The following RGS7 variants were observed in gnomAD, a reference collection of about 807,000 sequenced individuals.
RGS7 encodes the protein regulator of G protein signaling 7.
Under a neutral mutation model 81.1 loss-of-function variants are expected in RGS7, and 27 were observed. The ratio of observed to expected loss-of-function variants is 0.33; its 90% CI spans 0.25 to 0.46. The LOEUF (loss-of-function observed/expected upper bound fraction) is 0.46, where lower values mean the gene tolerates loss of function less well. RGS7 is among the 20% of genes least tolerant of loss of function. The pLI is 1.00. For missense variants in RGS7, 396 were observed against 607.4 expected, an observed-to-expected ratio of 0.65 and a Z score of 3.66; for synonymous variants, 208 against 207.7, an observed-to-expected ratio of 1.00 and a Z score of -0.01.
At chr1:241,281,282 C>T (rs778142191) in intron 2 of RGS7, among the ~76,000 whole-genome samples, 8 of 152,204 alleles carry the variant, frequency 5.3e-5, no homozygotes, top group Non-Finnish European at 1.0e-4. Flanking sequence ...ATAAAATCAA[C>T]TGTACTCCAT....
chr1:240,910,518 T>C (rs1671573209), intron 6 of RGS7, among the ~76,000 whole-genome samples: 2 of 152,258 alleles, frequency 1.3e-5, no homozygotes, highest in Admixed American at 6.5e-5. Flanking sequence ...AATTCTAGTG[T>C]TCTGTAGCAC....
chr1:240,913,969 A>G (rs1296176128), intron 6 of RGS7, among the ~76,000 whole-genome samples: 1 of 151,634 alleles, frequency 6.6e-6, no homozygotes, highest in Non-Finnish European at 1.5e-5. Flanking sequence ...TGTGCAGGTT[A>G]GTTACATATG....
intron 6 of RGS7, among the ~76,000 whole-genome samples, chr1:240,882,248 G>A (rs1216919952): frequency 2.6e-5 from 4 of 152,118 alleles, no homozygotes; most frequent in African/African-American, 9.7e-5. Context: ...CTGGGAGGTG[G>A]TGTCCTTAAG....
chr1:240,970,404 T>C (rs11586002), intron 4 of RGS7, among the ~76,000 whole-genome samples: 55,666 of 152,168 alleles, frequency 0.37, 11,504 homozygotes, highest in East Asian at 0.62. Context: ...TACAAGTCAA[T>C]GGAAACAACA....
intron 2 of RGS7, among the ~76,000 whole-genome samples, chr1:241,229,090 C>T (rs2075495750): frequency 6.6e-6 from 1 of 151,150 alleles, no homozygotes; most frequent in Non-Finnish European, 1.5e-5. Context: ...AAAAACCATA[C>T]CTAACTTGTG....
chr1:240,801,468 A>T lies in RGS7; in HGVS notation c.1400T>A (p.Phe467Tyr). 1.9e-6 allele frequency: 3 copies of T among 1,606,416 alleles called. No homozygotes were observed. Among genetic ancestry groups the T allele is most frequent in the Non-Finnish European group, 2.6e-6 (3 of 1,173,636 alleles). The change falls in exon 17 of 19, where the codon TTT becomes TAT. Residue 467 changes from phenylalanine to tyrosine, a missense_variant. Phe to Tyr is a conservative substitution (Grantham distance 22, BLOSUM62 3). Transcript: ENST00000440928. ...SMDRRTSFEK[F>Y]AQNVGRNIPI... is the part of the protein sequence containing the mutation. ...AATTAAACTTACCACATTCTGTGCA[A>T]ATTTTTCAAAAGATGTTCTGCGATC...
At chr1:241,065,443 T>C (rs1201012844) in intron 3 of RGS7, among the ~76,000 whole-genome samples, 1 of 152,030 alleles carries the variant, frequency 6.6e-6, no homozygotes, top group African/African-American at 2.4e-5. Flanking sequence ...TATTTTTATG[T>C]GTTTTCTTAA....
At chr1:241,173,743 T>C (rs2103269664) in intron 2 of RGS7, among the ~76,000 whole-genome samples, 1 of 152,310 alleles carries the variant, frequency 6.6e-6, no homozygotes, top group East Asian at 1.9e-4. Context: ...ATAGCACCAT[T>C]GTACTCTAGC....
chr1:241,247,982 A>G (rs1420564371), intron 2 of RGS7, among the ~76,000 whole-genome samples: 2 of 152,182 alleles, frequency 1.3e-5, no homozygotes, highest in African/African-American at 4.8e-5. Context: ...TATCTTCACT[A>G]ATGGTCCATC....
At chr1:241,059,205 A>G (rs1277477750) in intron 3 of RGS7, among the ~76,000 whole-genome samples, 1 of 152,132 alleles carries the variant, frequency 6.6e-6, no homozygotes, top group East Asian at 1.9e-4. Context: ...GGATCTCCCA[A>G]GGGTCTGTCA....
At chr1:240,927,356 C>T (rs187654439) in intron 6 of RGS7, among the ~76,000 whole-genome samples, 2 of 152,262 alleles carry the variant, frequency 1.3e-5, no homozygotes, top group South Asian at 2.1e-4. Flanking sequence ...TGAGCCACCG[C>T]GCACAGCCAA....
At chr1:240,865,768 C>T (rs1421696311) in intron 9 of RGS7, among the ~76,000 whole-genome samples, 1 of 152,084 alleles carries the variant, frequency 6.6e-6, no homozygotes, top group African/African-American at 2.4e-5. Flanking sequence ...GCTGTTTTCC[C>T]CTATGCCACT....
intron 6 of RGS7, among the ~76,000 whole-genome samples, chr1:240,911,650 C>G (rs186334979): frequency 6.6e-6 from 1 of 152,108 alleles, no homozygotes; most frequent in Non-Finnish European, 1.5e-5. Flanking sequence ...AACACAACAA[C>G]GGTATGGAAA....
intron 5 of RGS7, among the ~76,000 whole-genome samples, chr1:240,934,441 G>T (rs1047031145): frequency 6.6e-6 from 1 of 152,162 alleles, no homozygotes; most frequent in African/African-American, 2.4e-5. Context: ...TGAAGACCTT[G>T]AATAATAATT....
intron 2 of RGS7, among the ~76,000 whole-genome samples, chr1:241,219,708 A>G (rs925150695): frequency 6.6e-6 from 1 of 152,228 alleles, no homozygotes; most frequent in Non-Finnish European, 1.5e-5. Flanking sequence ...AAACAGAGCT[A>G]GAAAGATAAG....
intron 3 of RGS7, among the ~76,000 whole-genome samples, chr1:241,074,050 G>GC (rs1346060487): frequency 6.6e-6 from 1 of 152,004 alleles, no homozygotes; most frequent in Non-Finnish European, 1.5e-5. Context: ...ACAGGCATGT[G>GC]CCACCAGGCC....
At chr1:241,038,894 G>A (rs2060464256) in intron 3 of RGS7, among the ~76,000 whole-genome samples, 1 of 152,040 alleles carries the variant, frequency 6.6e-6, no homozygotes, top group Non-Finnish European at 1.5e-5. Flanking sequence ...TTGAGCTCAG[G>A]AGTTTAAGGG....
intron 2 of RGS7, among the ~76,000 whole-genome samples, chr1:241,232,174 C>T (rs2075699917): frequency 6.7e-6 from 1 of 149,642 alleles, no homozygotes. Context: ...AATTCTGTTC[C>T]ATTGTTGTAT....
At chr1:241,044,604 A>AT (rs71735235) in intron 3 of RGS7, among the ~76,000 whole-genome samples, 10 of 151,216 alleles carry the variant, frequency 6.6e-5, no homozygotes, top group Admixed American at 3.3e-4. Context: ...AAATTTATTT[A>AT]TTTTTTTTGT....
Sources: gnomAD v4.1 joint callset for allele counts (sites outside exome capture counted in the v4.1 genomes callset) on GRCh38, gnomAD v4.1.1 for gene constraint, MANE v1.5 for transcripts, NCBI Gene and HGNC (gene_info 2026-07-23, HGNC 2026-07-21) for gene names.